Variants in MAP3K5 observed in about 807,000 individuals in gnomAD.
MAP3K5 encodes mitogen-activated protein kinase kinase kinase 5.
A neutral mutation model predicts 158.7 loss-of-function variants in MAP3K5; 56 were observed. The observed-to-expected ratio is 0.35, with a 90% CI of 0.28 to 0.44. The LOEUF (loss-of-function observed/expected upper bound fraction) is 0.44, where lower values mean the gene tolerates loss of function less well. Among genes scored for constraint, MAP3K5 ranks in the 20% least tolerant of loss-of-function variants. MAP3K5 has a pLI of 1.00. For missense variants in MAP3K5, 1,294 were observed against 1,674.8 expected (o/e 0.77, Z 3.97); for synonymous variants, 579 against 601.7 (o/e 0.96, Z 0.55).
At chr6:136,635,329 G>A (rs1322648714) in intron 14 of MAP3K5, among the ~76,000 whole-genome samples, 1 of 152,186 alleles carries the variant, frequency 6.6e-6, no homozygotes, top group East Asian at 1.9e-4. Context: ...AATCAAACGA[G>A]CCCTGAAGTA....
At chr6:136,564,959 ACTTT>A (rs573940753) in intron 26 of MAP3K5, among the ~76,000 whole-genome samples, 109 of 152,258 alleles carry the variant, frequency 7.2e-4, no homozygotes, top group East Asian at 1.4e-3. Context: ...ACGTCACTTT[ACTTT>A]TATTTTCTAT....
chr6:136,745,223 T>C (rs1366264171), intron 1 of MAP3K5, among the ~76,000 whole-genome samples: 1 of 151,210 alleles, frequency 6.6e-6, no homozygotes, highest in Non-Finnish European at 1.5e-5. Context: ...AAAGTTCCTT[T>C]AAATTGAATA....
At chr6:136,640,624 T>C (rs1340599723) in intron 12 of MAP3K5, among the ~76,000 whole-genome samples, 1 of 152,186 alleles carries the variant, frequency 6.6e-6, no homozygotes, top group Non-Finnish European at 1.5e-5. Flanking sequence ...TTGTCATGAG[T>C]TGTTAAATGT....
intron 1 of MAP3K5, among the ~76,000 whole-genome samples, chr6:136,735,361 T>A (rs1303276403): frequency 6.6e-6 from 1 of 152,202 alleles, no homozygotes; most frequent in Admixed American, 6.5e-5. Flanking sequence ...CATAGTCAAC[T>A]GTAATGTGTG....
chr6:136,732,198 G>A (rs902876604), intron 1 of MAP3K5, among the ~76,000 whole-genome samples: 3 of 152,058 alleles, frequency 2.0e-5, no homozygotes, highest in African/African-American at 4.8e-5. Flanking sequence ...GCTGAGGCAG[G>A]CAAATCACTC....
rs3040779 is a variant in MAP3K5, at chr6:136,562,837, A to ATTTTT, written c.3762-227_3762-223dup. On this transcript the variant is annotated intron_variant, in intron 26 of 29. Coordinates refer to ENST00000359015, the MANE Select transcript of MAP3K5 (RefSeq NM_005923.4). ...AGACATGCACCACCATGCCTGGCTA[A>ATTTTT]TTTTTTTTTTTTTTTTTTTTGTAGA... Among the ~76,000 whole-genome samples the ATTTTT allele has an allele frequency of 2.8e-4, 35 of 124,836 alleles. 2 individuals are homozygous for ATTTTT. Among genetic ancestry groups the ATTTTT allele is most frequent in the East Asian group, 4.9e-4 (2 of 4,048 alleles). The allele number at this position is 124,836 out of a possible 152,430, so 81.9% of individuals were successfully genotyped here.
chr6:136,741,848 G>A lies in MAP3K5; in HGVS notation c.449-21259C>T, dbSNP rs572592874. 2.6e-5 allele frequency among the ~76,000 whole-genome samples: 4 copies of A among 152,196 alleles called. No homozygotes were observed. The East Asian group carries it at 7.7e-4, about 29-fold the overall frequency. On this transcript the variant is annotated intron_variant, in intron 1 of 29. Coordinates refer to ENST00000359015, the MANE Select transcript of MAP3K5 (RefSeq NM_005923.4). ...AAGTAAATTGCTTTTCTATATGTCT[G>A]CAATAAACAAGTGGAATTTGAAATT...
chr6:136,731,128 G>T (rs1168058868), intron 1 of MAP3K5, among the ~76,000 whole-genome samples: 1 of 152,126 alleles, frequency 6.6e-6, no homozygotes, highest in Non-Finnish European at 1.5e-5. Flanking sequence ...GGAGAGGATG[G>T]GCCATGGCTA....
intron 25 of MAP3K5, among the ~76,000 whole-genome samples, chr6:136,570,659 G>C (rs866241012): frequency 6.6e-6 from 1 of 152,118 alleles, no homozygotes; most frequent in South Asian, 2.1e-4. Context: ...GTTTTAAAAA[G>C]TGCATAACAG....
At chr6:136,757,280 G>A (rs1037339063) in intron 1 of MAP3K5, among the ~76,000 whole-genome samples, 2 of 152,182 alleles carry the variant, frequency 1.3e-5, no homozygotes, top group African/African-American at 4.8e-5. Flanking sequence ...GGGAAAGATT[G>A]TGGTATTCCT....
At chr6:136,643,679 G>C (rs1562573304) in intron 11 of MAP3K5, among the ~76,000 whole-genome samples, 1 of 152,184 alleles carries the variant, frequency 6.6e-6, no homozygotes, top group Non-Finnish European at 1.5e-5. Flanking sequence ...TTACTAAAAA[G>C]CTAGTTTCAG....
intron 26 of MAP3K5, among the ~76,000 whole-genome samples, chr6:136,567,038 A>T (rs1045826342): frequency 6.6e-6 from 1 of 152,228 alleles, no homozygotes; most frequent in Non-Finnish European, 1.5e-5. Flanking sequence ...TACCAACAAC[A>T]TCTGCAAAGA....
At chr6:136,684,466 A>G (rs1020969593) in intron 7 of MAP3K5, among the ~76,000 whole-genome samples, 1 of 152,164 alleles carries the variant, frequency 6.6e-6, no homozygotes, top group Non-Finnish European at 1.5e-5. Context: ...GATTTGCTTA[A>G]AAAAGAAAAT....
intron 11 of MAP3K5, among the ~76,000 whole-genome samples, chr6:136,643,769 T>C (rs866898231): frequency 6.6e-6 from 1 of 152,178 alleles, no homozygotes. Context: ...GGAGGGAAGA[T>C]ACCATAAAAA....
intron 7 of MAP3K5, among the ~76,000 whole-genome samples, chr6:136,691,087 G>T (rs1428883007): frequency 6.6e-6 from 1 of 151,892 alleles, no homozygotes; most frequent in African/African-American, 2.4e-5. Flanking sequence ...CTGCATTTAT[G>T]ACCTTTTCTT....
At chr6:136,579,469 A>G (rs969808820) in intron 25 of MAP3K5, among the ~76,000 whole-genome samples, 7 of 152,190 alleles carry the variant, frequency 4.6e-5, no homozygotes, top group Non-Finnish European at 8.8e-5. Flanking sequence ...ATGACCTGAG[A>G]GCTGTATTAA....
chr6:136,732,655 T>C (rs565195024), intron 1 of MAP3K5, among the ~76,000 whole-genome samples: 29 of 152,344 alleles, frequency 1.9e-4, no homozygotes, highest in African/African-American at 6.5e-4. Context: ...TAGCACCACC[T>C]GAGCTTCTGC....
At position 136,720,487 on chromosome 6, in the gene MAP3K5, T is replaced by C; in HGVS notation, c.551A>G (p.Tyr184Cys). The C allele has an allele frequency of 6.2e-7, 1 of 1,613,128 alleles. No individual in the cohort carries two copies. Among genetic ancestry groups the C allele is most frequent in the East Asian group, 2.2e-5 (1 of 44,786 alleles). ...SFSMANNIIL[Y>C]CDTNSDSLQS... is the part of the protein sequence containing the mutation. ...CAGAGAGTCCGAGTTAGTATCACAG[T>C]AGAGGATGATGTTGTTGGCCATGCT... Residue 184 changes from tyrosine to cysteine, a missense_variant, in exon 2 of 30, where the codon TAC (tyrosine) becomes TGC (cysteine). Around this residue, in one of 5 missense-constraint regions of MAP3K5, gnomAD observed 690 missense variants for 870.5 expected, o/e 0.79. Coordinates refer to ENST00000359015, the MANE Select transcript of MAP3K5 (RefSeq NM_005923.4).
Position 136,611,596 on chromosome 6 carries a change from T to C in MAP3K5, c.2416-209A>G, listed in dbSNP as rs555442799. Among the ~76,000 whole-genome samples, 3 of 152,362 alleles carry C rather than the reference T, an allele frequency of 2.0e-5. No individual in the cohort carries two copies. In the East Asian group the frequency reaches 5.8e-4, roughly 29 times the overall value. ...ATTATCAGTTTGAAACCAACCGCCT[T>C]TGCGAAAATTACAACAGTGAGAAAA... is the stretch of plus-strand genomic sequence containing the variant. On this transcript the variant is annotated intron_variant, in intron 17 of 29. Transcript: ENST00000359015.
Sources: gnomAD v4.1 joint callset for allele counts (sites outside exome capture counted in the v4.1 genomes callset) on GRCh38, gnomAD v4.1.1 for gene constraint, gnomAD v4.1.1 regional missense constraint, MANE v1.5 for transcripts, NCBI Gene and HGNC (gene_info 2026-07-23, HGNC 2026-07-21) for gene names.